PKIB: variants seen among roughly 807,000 people sequenced by gnomAD.
The protein encoded by PKIB is cAMP-dependent protein kinase inhibitor beta, also known as PKI-beta.
In PKIB, 2 loss-of-function variants were observed where a neutral mutation model predicts 4.5. The observed-to-expected ratio is 0.44, with a 90% CI of 0.18 to 1.39. The LOEUF (loss-of-function observed/expected upper bound fraction) is 1.39. Among genes scored for constraint, PKIB ranks in the 40% most tolerant of loss-of-function variants. The pLI is 0.27. For synonymous variants in PKIB, 38 were observed against 36.0 expected (o/e 1.06, Z -0.20); for missense variants, 94 against 92.6 (o/e 1.02, Z -0.06).
intron 1 of PKIB, among the ~76,000 whole-genome samples, chr6:122,475,246 T>C (rs1334018447): frequency 6.6e-6 from 1 of 152,172 alleles, no homozygotes; most frequent in Non-Finnish European, 1.5e-5. Flanking sequence ...GCCTGGCCCA[T>C]TGAATTTTTG....
chr6:122,707,733 A>C (rs975485621), intron 3 of PKIB, among the ~76,000 whole-genome samples: 1 of 152,192 alleles, frequency 6.6e-6, no homozygotes, highest in Non-Finnish European at 1.5e-5. Flanking sequence ...AGATATAATA[A>C]AATGATATCA....
At chr6:122,516,196 G>C (rs1028348117) in intron 2 of PKIB, among the ~76,000 whole-genome samples, 4 of 152,144 alleles carry the variant, frequency 2.6e-5, no homozygotes, top group Non-Finnish European at 5.9e-5. Context: ...CCAGTATCTG[G>C]CTTCCTGGAA....
At chr6:122,488,791 C>T (rs1007783208) in intron 2 of PKIB, among the ~76,000 whole-genome samples, 1 of 152,190 alleles carries the variant, frequency 6.6e-6, no homozygotes, top group Non-Finnish European at 1.5e-5. Flanking sequence ...GCTTTCCCAC[C>T]AGGCAGAGGT....
upstream of PKIB, among the ~76,000 whole-genome samples, chr6:122,606,908 T>G (rs1287268445): frequency 2.0e-5 from 3 of 151,782 alleles, no homozygotes; most frequent in Non-Finnish European, 4.4e-5. Context: ...TCTCTTGGTC[T>G]TCCCTCAAAA....
intron 2 of PKIB, among the ~76,000 whole-genome samples, chr6:122,634,576 A>G (rs934318): frequency 0.34 from 51,614 of 151,602 alleles, 9,478 homozygotes; most frequent in Middle Eastern, 0.43. Flanking sequence ...CTAGAACACA[A>G]CTCCAGGGAA....
At chr6:122,663,225 A>G (rs1264506912) in intron 2 of PKIB, among the ~76,000 whole-genome samples, 1 of 152,138 alleles carries the variant, frequency 6.6e-6, no homozygotes, top group African/African-American at 2.4e-5. Flanking sequence ...TCTTTAATCT[A>G]AGATCTATTA....
intron 3 of PKIB, among the ~76,000 whole-genome samples, chr6:122,694,068 T>C (rs1778458807): frequency 6.6e-6 from 1 of 152,200 alleles, no homozygotes; most frequent in East Asian, 1.9e-4. Context: ...CCACAGTAAA[T>C]AGTCCATTCA....
intron 3 of PKIB, among the ~76,000 whole-genome samples, chr6:122,709,577 A>G (rs6903980): frequency 0.25 from 37,708 of 151,786 alleles, 5,169 homozygotes; most frequent in East Asian, 0.45. Flanking sequence ...GTATAAAATG[A>G]GTTGCAATGA....
At chr6:122,647,236 T>A (rs1457246862) in intron 2 of PKIB, among the ~76,000 whole-genome samples, 1 of 152,210 alleles carries the variant, frequency 6.6e-6, no homozygotes, top group Admixed American at 6.5e-5. Context: ...GTTAAGCCCT[T>A]TCAGATGATT....
chr6:122,510,950 T>C (rs892668819), intron 2 of PKIB, among the ~76,000 whole-genome samples: 2 of 152,122 alleles, frequency 1.3e-5, no homozygotes, highest in African/African-American at 4.8e-5. Flanking sequence ...TTCGGACATA[T>C]CTCTGAAGGA....
intron 3 of PKIB, among the ~76,000 whole-genome samples, chr6:122,685,731 A>C (rs1778067180): frequency 6.6e-6 from 1 of 152,142 alleles, no homozygotes; most frequent in Non-Finnish European, 1.5e-5. Flanking sequence ...TTGTGCTATC[A>C]AATACTAGGT....
At chr6:122,599,300 T>G (rs1252020181) in intron 3 of PKIB, among the ~76,000 whole-genome samples, 1 of 152,108 alleles carries the variant, frequency 6.6e-6, no homozygotes, top group Non-Finnish European at 1.5e-5. Flanking sequence ...TCATCAGAAT[T>G]TACAAATTCA....
intron 2 of PKIB, among the ~76,000 whole-genome samples, chr6:122,540,146 A>G (rs912179831): frequency 2.6e-5 from 4 of 151,858 alleles, no homozygotes; most frequent in Admixed American, 2.6e-4. Context: ...AGGATTCATT[A>G]ATTTTTTGAA....
At chr6:122,496,311 A>G (rs1300130237) in intron 2 of PKIB, among the ~76,000 whole-genome samples, 1 of 152,190 alleles carries the variant, frequency 6.6e-6, no homozygotes, top group Non-Finnish European at 1.5e-5. Context: ...TAGTATAAGA[A>G]TTCTGGCACC....
chr6:122,544,692 C>T (rs779865904), intron 2 of PKIB, among the ~76,000 whole-genome samples: 3 of 151,972 alleles, frequency 2.0e-5, no homozygotes, highest in Admixed American at 6.6e-5. Flanking sequence ...AAATTATCAA[C>T]AGAGTGAACA....
intron 2 of PKIB, among the ~76,000 whole-genome samples, chr6:122,569,544 G>A (rs1343192083): frequency 6.6e-6 from 1 of 152,116 alleles, no homozygotes. Flanking sequence ...AGCACACTAA[G>A]CCTATCAACC....
At chr6:122,489,102 T>G (rs2114533710) in intron 2 of PKIB, among the ~76,000 whole-genome samples, 1 of 152,278 alleles carries the variant, frequency 6.6e-6, no homozygotes. Context: ...GCCCCAATAG[T>G]TTCCTTGGTC....
intron 2 of PKIB, among the ~76,000 whole-genome samples, chr6:122,548,674 C>CT (rs2114650863): frequency 1.3e-5 from 2 of 152,174 alleles, no homozygotes; most frequent in Middle Eastern, 3.4e-3. Flanking sequence ...CACACAATGA[C>CT]TAAATGGGCA....
chr6:122,562,453 A>T (rs899935584), intron 2 of PKIB, among the ~76,000 whole-genome samples: 15 of 152,098 alleles, frequency 9.9e-5, no homozygotes, highest in Admixed American at 9.8e-4. Flanking sequence ...TCTTTTTGTG[A>T]TGAATTTTCC....
Sources: allele counts gnomAD v4.1 joint callset (sites outside exome capture counted in the v4.1 genomes callset), GRCh38; gene constraint gnomAD v4.1.1; transcripts MANE v1.5; gene names NCBI Gene and HGNC (gene_info 2026-07-23, HGNC 2026-07-21).